DPP10: variants seen among roughly 807,000 people sequenced by gnomAD.
DPP10 encodes inactive dipeptidyl peptidase 10.
DPP10 carries 33 observed loss-of-function variants against 120.9 expected under a neutral mutation model. The observed-to-expected ratio is 0.27, with a 90% CI of 0.21 to 0.37. The LOEUF is 0.37. DPP10 is among the 10% of genes least tolerant of loss of function. DPP10 has a pLI of 1.00. For synonymous variants in DPP10, 337 were observed against 326.1 expected (o/e 1.03, Z -0.36); for missense variants, 816 against 942.8 (o/e 0.87, Z 1.76).
chr2:115,584,827 T>G (rs1266397261), intron 5 of DPP10, among the ~76,000 whole-genome samples: 2 of 152,086 alleles, frequency 1.3e-5, no homozygotes, highest in Non-Finnish European at 2.9e-5. Context: ...ATGGGTGTCA[T>G]TTTGGGTTCC....
chr2:115,715,613 G>A (rs1461789827), intron 7 of DPP10, among the ~76,000 whole-genome samples: 1 of 152,160 alleles, frequency 6.6e-6, no homozygotes, highest in African/African-American at 2.4e-5. Context: ...CAGGGGCTGT[G>A]ACTTAGTCGC....
intron 3 of DPP10, among the ~76,000 whole-genome samples, chr2:115,467,660 C>T (rs1313716502): frequency 3.9e-5 from 6 of 152,062 alleles, no homozygotes; most frequent in African/African-American, 1.4e-4. Flanking sequence ...TAACTGCTAC[C>T]TGCACTGCAA....
intron 1 of DPP10, among the ~76,000 whole-genome samples, chr2:114,508,774 G>T (rs1280673773): frequency 6.6e-6 from 1 of 152,086 alleles, no homozygotes; most frequent in Non-Finnish European, 1.5e-5. Context: ...TGTCCCCAAA[G>T]AGTCAGGTTA....
chr2:114,824,783 C>T (rs897091665), intron 1 of DPP10, among the ~76,000 whole-genome samples: 6 of 152,052 alleles, frequency 3.9e-5, no homozygotes, highest in Middle Eastern at 3.4e-3. Context: ...AATTACAAAC[C>T]AAAATTCTAA....
intron 1 of DPP10, among the ~76,000 whole-genome samples, chr2:115,117,848 C>G (rs1317328300): frequency 6.6e-6 from 1 of 152,156 alleles, no homozygotes; most frequent in Admixed American, 6.5e-5. Flanking sequence ...TCTCTTCCTT[C>G]TGGTCCTCTT....
intron 1 of DPP10, among the ~76,000 whole-genome samples, chr2:114,916,138 G>A (rs954295774): frequency 6.6e-6 from 1 of 152,104 alleles, no homozygotes; most frequent in African/African-American, 2.4e-5. Flanking sequence ...ACATGACAAA[G>A]GTGACATTAC....
chr2:115,100,560 A>ATGTGTGTGTGTATGTG (rs2048639050), intron 1 of DPP10, among the ~76,000 whole-genome samples: 1 of 151,898 alleles, frequency 6.6e-6, no homozygotes, highest in Non-Finnish European at 1.5e-5. Flanking sequence ...GTGTATGTAC[A>ATGTGTGTGTGTATGTG]TGTGTGTGTG....
intron 17 of DPP10, among the ~76,000 whole-genome samples, chr2:115,782,604 G>A (rs1462686802): frequency 6.6e-6 from 1 of 151,968 alleles, no homozygotes; most frequent in Admixed American, 6.6e-5. Flanking sequence ...ACAGGTGGGA[G>A]GTGAATCTTA....
At chr2:114,610,123 A>G (rs1269927907) in intron 1 of DPP10, among the ~76,000 whole-genome samples, 1 of 152,210 alleles carries the variant, frequency 6.6e-6, no homozygotes, top group Non-Finnish European at 1.5e-5. Flanking sequence ...CTTACGGATG[A>G]CGAAACTGAG....
intron 1 of DPP10, among the ~76,000 whole-genome samples, chr2:114,959,065 T>C (rs1698421623): frequency 6.6e-6 from 1 of 152,162 alleles, no homozygotes. Flanking sequence ...GTTTTTGTTT[T>C]TGTTTTTCTC....
intron 8 of DPP10, among the ~76,000 whole-genome samples, chr2:115,739,171 G>A (rs1424947380): frequency 6.6e-6 from 1 of 152,126 alleles, no homozygotes; most frequent in Non-Finnish European, 1.5e-5. Context: ...TCCTGCCAAA[G>A]GGAAGCCAGA....
rs1388867115 is a variant in DPP10, at chr2:115,745,339, CCTA to C, written c.853-743_853-741del. 4.6e-4 allele frequency among the ~76,000 whole-genome samples: 70 copies of C among 150,596 alleles called. 2 individuals carry two copies. The highest frequency in any genetic ancestry group is 1.4e-3 in the African/African-American group (56 of 41,478). ...AATAATTTGTGCAATGCCTTTAGTG[CCTA>C]CTATGTGCCAGAAACGTACCAACTA... is the stretch of plus-strand genomic sequence containing the variant. On this transcript the variant is annotated intron_variant, in intron 9 of 25. Coordinates refer to ENST00000410059, the MANE Select transcript of DPP10 (RefSeq NM_020868.6).
At chr2:114,845,409 G>A (rs965332248) in intron 1 of DPP10, among the ~76,000 whole-genome samples, 1 of 152,018 alleles carries the variant, frequency 6.6e-6, no homozygotes, top group African/African-American at 2.4e-5. Flanking sequence ...AAAAAATAAA[G>A]TTAGTTTAAA....
intron 1 of DPP10, among the ~76,000 whole-genome samples, chr2:115,218,759 C>T (rs891200308): frequency 3.9e-5 from 6 of 152,210 alleles, no homozygotes; most frequent in Middle Eastern, 3.4e-3. Flanking sequence ...ATTTGGTTCT[C>T]TGATGTTTAT....
At chr2:115,489,281 G>A (rs1242152020) in intron 3 of DPP10, among the ~76,000 whole-genome samples, 3 of 151,508 alleles carry the variant, frequency 2.0e-5, no homozygotes, top group Non-Finnish European at 4.4e-5. Context: ...GCCCAATGCT[G>A]TAGTTTATGG....
chr2:115,074,172 C>G (rs775218421), intron 1 of DPP10, among the ~76,000 whole-genome samples: 2 of 152,048 alleles, frequency 1.3e-5, no homozygotes, highest in Non-Finnish European at 2.9e-5. Context: ...ATACCATACC[C>G]AGATAACTTT....
At chr2:115,137,052 A>G (rs1329287196) in intron 1 of DPP10, among the ~76,000 whole-genome samples, 1 of 152,114 alleles carries the variant, frequency 6.6e-6, no homozygotes, top group Non-Finnish European at 1.5e-5. Context: ...AGGCAGTCCC[A>G]GAGTAGTTAA....
intron 2 of DPP10, among the ~76,000 whole-genome samples, chr2:115,324,046 C>T (rs1472085459): frequency 6.6e-6 from 1 of 152,128 alleles, no homozygotes; most frequent in Non-Finnish European, 1.5e-5. Flanking sequence ...GACTTTTCCT[C>T]TCTAGCTATG....
At chr2:114,966,090 C>G (rs1699014349) in intron 1 of DPP10, among the ~76,000 whole-genome samples, 2 of 151,674 alleles carry the variant, frequency 1.3e-5, no homozygotes, top group Non-Finnish European at 2.9e-5. Flanking sequence ...ATTTGAAAAC[C>G]AGATACAGAA....
Sources: gnomAD v4.1 joint callset for allele counts (sites outside exome capture counted in the v4.1 genomes callset) on GRCh38, gnomAD v4.1.1 for gene constraint, MANE v1.5 for transcripts, NCBI Gene and HGNC (gene_info 2026-07-23, HGNC 2026-07-21) for gene names.